Variants in DGLUCY observed in about 807,000 individuals in gnomAD.
The protein encoded by DGLUCY is D-glutamate cyclase, mitochondrial.
DGLUCY carries 58 observed loss-of-function variants against 58.5 expected under a neutral mutation model. The ratio of observed to expected loss-of-function variants is 0.99; its 90% CI spans 0.80 to 1.23. DGLUCY has a LOEUF of 1.23. Among genes scored for constraint, DGLUCY ranks in the 50% most tolerant of loss-of-function variants. The pLI is 0.00. For missense variants in DGLUCY, 779 were observed against 784.7 expected (o/e 0.99, Z 0.09); for synonymous variants, 325 against 314.1 (o/e 1.03, Z -0.37).
At chr14:91,118,509 CAT>C (rs767808190) in intron 1 of DGLUCY, among the ~76,000 whole-genome samples, 37 of 152,082 alleles carry the variant, frequency 2.4e-4, no homozygotes, top group Non-Finnish European at 4.4e-4. Flanking sequence ...GGTGAAGAAA[CAT>C]ATTTGGGGGT....
At chr14:91,204,977 C>G in intron 12 of DGLUCY, 152 bp downstream of exon 12, 1 of 970,930 alleles carries the variant, frequency 1.0e-6, no homozygotes, top group Admixed American at 2.4e-5. Flanking sequence ...TATGACCTTT[C>G]ATTCAGTCAT....
At chr14:91,157,227 A>ATGGATGAATGGC (rs1415966019) in intron 1 of DGLUCY, among the ~76,000 whole-genome samples, 1 of 138,184 alleles carries the variant, frequency 7.2e-6, no homozygotes, top group African/African-American at 2.8e-5. Flanking sequence ...GGATGGATGG[A>ATGGATGAATGGC]TGGGTGGATG....
intron 1 of DGLUCY, among the ~76,000 whole-genome samples, chr14:91,129,063 A>G (rs557355050): frequency 6.6e-6 from 1 of 152,306 alleles, no homozygotes; most frequent in East Asian, 1.9e-4. Flanking sequence ...AAGCCTGACA[A>G]TCCGCCTAGC....
intron 1 of DGLUCY, among the ~76,000 whole-genome samples, chr14:91,133,201 A>C (rs2046129875): frequency 6.6e-6 from 1 of 152,024 alleles, no homozygotes; most frequent in African/African-American, 2.4e-5. Flanking sequence ...GGGCTGAGGC[A>C]GGAGAATTGC....
chr14:91,062,584 TATATATATATATATATATATATATATAA>T (rs1310007866), intron 1 of DGLUCY, among the ~76,000 whole-genome samples: 471 of 20,330 alleles, frequency 0.023, 42 homozygotes, highest in East Asian at 0.068. Flanking sequence ...TATATATATA[TATATATATATATATATATATATATATAA>T]ACAATCCTTA....
Position 91,201,995 on chromosome 14 carries a change from C to T in DGLUCY, c.1444+2090C>T, listed in dbSNP as rs375517256. ...GCTTGAACCCAGGAGGTGGAAGTTA[C>T]AGTGAGCCAAGATCGCGCCACTGCA... is the stretch of plus-strand genomic sequence containing the variant. On this transcript the variant is annotated intron_variant, in intron 11 of 13. Coordinates refer to ENST00000256324, the MANE Select transcript of DGLUCY (RefSeq NM_001102368.3). 5.3e-5 allele frequency among the ~76,000 whole-genome samples: 8 copies of T among 151,822 alleles called. No individual in the cohort carries two copies. In the East Asian group the frequency reaches 1.2e-3, roughly 22 times the overall value.
intron 1 of DGLUCY, among the ~76,000 whole-genome samples, chr14:91,092,332 T>C (rs1464994795): frequency 6.6e-6 from 1 of 152,186 alleles, no homozygotes; most frequent in Non-Finnish European, 1.5e-5. Flanking sequence ...AAACTTGTAG[T>C]AGGTGTTCAA....
chr14:91,074,110 T>C (rs1319278551), intron 1 of DGLUCY, among the ~76,000 whole-genome samples: 16 of 62,858 alleles, frequency 2.5e-4, no homozygotes, highest in Middle Eastern at 8.8e-3. Flanking sequence ...AAAAAATATA[T>C]ATATATATAC....
chr14:91,173,548 C>T, intron 6 of DGLUCY, 109 bp downstream of exon 6: 3 of 1,377,490 alleles, frequency 2.2e-6, no homozygotes, highest in Non-Finnish European at 2.9e-6. Context: ...CGACCCAGGT[C>T]AGTGTCTCTC....
At chr14:91,206,619 G>A (rs953826961) in intron 12 of DGLUCY, among the ~76,000 whole-genome samples, 1 of 151,998 alleles carries the variant, frequency 6.6e-6, no homozygotes, top group African/African-American at 2.4e-5. Flanking sequence ...CTGACCTCAG[G>A]TGATCCACCC....
At chr14:91,066,930 A>T (rs2043832030) in intron 1 of DGLUCY, among the ~76,000 whole-genome samples, 1 of 151,732 alleles carries the variant, frequency 6.6e-6, no homozygotes, top group African/African-American at 2.4e-5. Flanking sequence ...AAAAAAAAAA[A>T]ATTAGCCGTG....
chr14:91,189,262 C>T, intron 9 of DGLUCY, 92 bp downstream of exon 9: 6 of 1,503,968 alleles, frequency 4.0e-6, no homozygotes, highest in Non-Finnish European at 5.4e-6. Flanking sequence ...AGAGCATTCT[C>T]CTTCCAGCTC....
intron 3 of DGLUCY, chr14:91,165,310 T>C (rs1399984227): frequency 2.2e-6 from 1 of 455,540 alleles, no homozygotes; most frequent in Non-Finnish European, 4.4e-6. Flanking sequence ...ATAACTTACA[T>C]ACATTACCTC....
chr14:91,217,099 G>T (rs1886651074), intron 13 of DGLUCY, among the ~76,000 whole-genome samples: 1 of 152,230 alleles, frequency 6.6e-6, no homozygotes, highest in Non-Finnish European at 1.5e-5. Flanking sequence ...AGGAGAAGCT[G>T]GTGGACCAGA....
At chr14:91,205,814 TC>T (rs1884551497) in intron 12 of DGLUCY, among the ~76,000 whole-genome samples, 1 of 141,538 alleles carries the variant, frequency 7.1e-6, no homozygotes, top group Non-Finnish European at 1.5e-5. Context: ...CTTCTCCTCC[TC>T]CTCCTCCTCC....
chr14:91,082,598 T>A (rs560203963), intron 1 of DGLUCY, among the ~76,000 whole-genome samples: 2 of 152,310 alleles, frequency 1.3e-5, no homozygotes, highest in East Asian at 3.9e-4. Context: ...CTGTTAGAAG[T>A]TTGAAGATGA....
At chr14:91,211,125 A>C (rs1386255307) in intron 12 of DGLUCY, among the ~76,000 whole-genome samples, 2 of 152,264 alleles carry the variant, frequency 1.3e-5, no homozygotes, top group African/African-American at 2.4e-5. Flanking sequence ...TGAAATACTT[A>C]GGAATAAATC....
chr14:91,213,147 GA>G (rs1477869015), intron 12 of DGLUCY, among the ~76,000 whole-genome samples: 1 of 151,656 alleles, frequency 6.6e-6, no homozygotes, highest in African/African-American at 2.4e-5. Context: ...ATTAAAAAAT[GA>G]AAAAAGCCAG....
At chr14:91,203,464 G>A (rs757741776) in intron 11 of DGLUCY, among the ~76,000 whole-genome samples, 1 of 152,200 alleles carries the variant, frequency 6.6e-6, no homozygotes, top group Non-Finnish European at 1.5e-5. Context: ...CATAGGCTTG[G>A]AGAGTCCAGC....
Sources: gnomAD v4.1 joint callset for allele counts (sites outside exome capture counted in the v4.1 genomes callset) on GRCh38, gnomAD v4.1.1 for gene constraint, MANE v1.5 for transcripts, NCBI Gene and HGNC (gene_info 2026-07-23, HGNC 2026-07-21) for gene names.